Variants in HTR1F observed in about 807,000 individuals in gnomAD.
HTR1F encodes 5-hydroxytryptamine (serotonin) receptor 1F, G protein-coupled.
A neutral mutation model predicts 24.0 loss-of-function variants in HTR1F; 17 were observed. The observed-to-expected ratio is 0.71, with a 90% CI of 0.48 to 1.06. HTR1F has a LOEUF of 1.06. Among genes scored for constraint, HTR1F ranks in the 50% least tolerant of loss-of-function variants. The pLI is 0.00. For synonymous variants in HTR1F, 186 were observed against 156.8 expected (o/e 1.19, Z -1.39); for missense variants, 391 against 427.8 (o/e 0.91, Z 0.76).
At chr3:87,883,382 G>T (rs927846453) in intron 2 of HTR1F, among the ~76,000 whole-genome samples, 1 of 152,110 alleles carries the variant, frequency 6.6e-6, no homozygotes, top group Admixed American at 6.6e-5. Context: ...GAGCAGAAAA[G>T]CTGAAAATTC....
intron 2 of HTR1F, among the ~76,000 whole-genome samples, chr3:87,949,248 A>C (rs1346850189): frequency 2.0e-5 from 3 of 152,246 alleles, no homozygotes; most frequent in Non-Finnish European, 4.4e-5. Flanking sequence ...ACTGTCTTAC[A>C]AATAATTTCA....
At chr3:87,839,727 T>C (rs1704759972) in intron 2 of HTR1F, among the ~76,000 whole-genome samples, 1 of 152,144 alleles carries the variant, frequency 6.6e-6, no homozygotes, top group African/African-American at 2.4e-5. Flanking sequence ...CCCAGGTAGT[T>C]AGCATAGTAA....
intron 2 of HTR1F, among the ~76,000 whole-genome samples, chr3:87,968,745 G>C (rs1285595789): frequency 1.3e-5 from 2 of 152,212 alleles, no homozygotes; most frequent in African/African-American, 4.8e-5. Flanking sequence ...CTAATGTAGA[G>C]CCAAATATTA....
chr3:87,909,796 C>T (rs1463064773), intron 2 of HTR1F, among the ~76,000 whole-genome samples: 1 of 151,986 alleles, frequency 6.6e-6, no homozygotes, highest in East Asian at 1.9e-4. Context: ...TTCAAGGTCT[C>T]TCAGTTGGTC....
At chr3:87,938,317 C>T (rs1247374671) in intron 2 of HTR1F, among the ~76,000 whole-genome samples, 20 of 152,262 alleles carry the variant, frequency 1.3e-4, no homozygotes, top group African/African-American at 4.3e-4. Context: ...AAACATTCCA[C>T]GCTCATGGGT....
chr3:87,832,438 T>C (rs1237168758), intron 2 of HTR1F, among the ~76,000 whole-genome samples: 1 of 151,474 alleles, frequency 6.6e-6, no homozygotes. Flanking sequence ...AGCAATTCTC[T>C]TGCCTCAGCC....
At chr3:87,795,132 C>T (rs1703883059) in intron 1 of HTR1F, among the ~76,000 whole-genome samples, 3 of 151,742 alleles carry the variant, frequency 2.0e-5, no homozygotes, top group Admixed American at 6.6e-5. Flanking sequence ...GGATTGCAGG[C>T]GCATGCCACC....
At chr3:87,960,204 C>A (rs1218390311) in intron 2 of HTR1F, among the ~76,000 whole-genome samples, 1 of 150,644 alleles carries the variant, frequency 6.6e-6, no homozygotes, top group African/African-American at 2.5e-5. Context: ...CCAGTGGCAG[C>A]CAGCAAATTG....
At chr3:87,893,769 C>T (rs1471033928) in intron 2 of HTR1F, among the ~76,000 whole-genome samples, 1 of 152,200 alleles carries the variant, frequency 6.6e-6, no homozygotes. Context: ...CAGCATTCTT[C>T]TCTAAGAAGA....
chr3:87,967,808 C>G (rs1027698676), intron 2 of HTR1F, among the ~76,000 whole-genome samples: 1 of 152,162 alleles, frequency 6.6e-6, no homozygotes, highest in African/African-American at 2.4e-5. Flanking sequence ...ATTGCCCAGT[C>G]TCAGGTATGT....
intron 2 of HTR1F, among the ~76,000 whole-genome samples, chr3:87,962,249 G>A (rs1705077986): frequency 6.6e-6 from 1 of 152,024 alleles, no homozygotes; most frequent in Non-Finnish European, 1.5e-5. Flanking sequence ...TAATATTCAA[G>A]GGGGAAAATG....
intron 2 of HTR1F, among the ~76,000 whole-genome samples, chr3:87,962,290 T>A (rs1433997592): frequency 6.6e-6 from 1 of 152,114 alleles, no homozygotes; most frequent in Non-Finnish European, 1.5e-5. Flanking sequence ...TAATTAAATT[T>A]TGCATGAACT....
intron 2 of HTR1F, among the ~76,000 whole-genome samples, chr3:87,906,029 A>T (rs1437061605): frequency 2.0e-5 from 3 of 152,082 alleles, no homozygotes; most frequent in South Asian, 2.1e-4. Flanking sequence ...AAGAATGTTC[A>T]CCTTATAAGG....
chr3:87,987,132 AATAAAATAAAATAG>A (rs1190435037), intron 2 of HTR1F, among the ~76,000 whole-genome samples: 1 of 151,476 alleles, frequency 6.6e-6, no homozygotes, highest in African/African-American at 2.4e-5. Flanking sequence ...AATAAAATAA[AATAAAATAAAATAG>A]ATAAACAAAT....
At chr3:87,985,236 G>A (rs1705636955) in intron 2 of HTR1F, among the ~76,000 whole-genome samples, 1 of 152,034 alleles carries the variant, frequency 6.6e-6, no homozygotes, top group South Asian at 2.1e-4. Flanking sequence ...TCGGGAGGCT[G>A]AGGCTGACGA....
rs140047704 is a variant in HTR1F at position 87,861,706 on chromosome 3, A to G, written c.-43+39582A>G. Among the ~76,000 whole-genome samples the G allele has an allele frequency of 5.3e-3, 805 of 152,240 alleles. 9 individuals are homozygous for G. The highest frequency in any genetic ancestry group is 0.019 in the African/African-American group (773 of 41,560). On this transcript the variant is annotated intron_variant, in intron 2 of 2. Transcript: ENST00000319595. ...ATAAATAGCTCTTTTTCATTGCATGATGAAAATTAGATGGCCAATTCCTTC... is the reference window on the plus strand; with the variant it reads ...ATAAATAGCTCTTTTTCATTGCATGGTGAAAATTAGATGGCCAATTCCTTC...
chr3:87,920,529 T>C (rs1386084421), intron 2 of HTR1F, among the ~76,000 whole-genome samples: 1 of 151,984 alleles, frequency 6.6e-6, no homozygotes, highest in Non-Finnish European at 1.5e-5. Flanking sequence ...AGAAATGATA[T>C]GGAATAAATC....
At chr3:87,930,900 T>C (rs750559600) in intron 2 of HTR1F, among the ~76,000 whole-genome samples, 8 of 152,138 alleles carry the variant, frequency 5.3e-5, no homozygotes, top group Non-Finnish European at 1.0e-4. Flanking sequence ...AACAGAATTA[T>C]ATTACACACT....
intron 1 of HTR1F, among the ~76,000 whole-genome samples, chr3:87,802,274 C>A (rs1451137880): frequency 1.1e-5 from 1 of 90,158 alleles, no homozygotes; most frequent in Non-Finnish European, 1.9e-5. Context: ...TTCTTTCCTT[C>A]CCTTCTTCCC....
Sources: allele counts gnomAD v4.1 joint callset (sites outside exome capture counted in the v4.1 genomes callset), GRCh38; gene constraint gnomAD v4.1.1; transcripts MANE v1.5; gene names NCBI Gene and HGNC (gene_info 2026-07-23, HGNC 2026-07-21).